Variants in MYO15A observed in about 807,000 individuals in gnomAD.
The protein encoded by MYO15A is myosin XVA.
MYO15A carries 308 observed loss-of-function variants against 394.6 expected under a neutral mutation model. The observed-to-expected ratio is 0.78, with a 90% CI of 0.71 to 0.86. MYO15A has a LOEUF of 0.86. Among genes scored for constraint, MYO15A ranks in the 40% least tolerant of loss-of-function variants. The pLI is 0.00. For synonymous variants in MYO15A, 1,957 were observed against 2,003.8 expected (o/e 0.98, Z 0.62); for missense variants, 4,606 against 4,799.1 (o/e 0.96, Z 1.19).
chr17:18,120,663 G>A lies in MYO15A; in HGVS notation c.1863G>A (p.Lys621=), dbSNP rs760308017. 13 of 1,586,882 alleles carry A rather than the reference G, an allele frequency of 8.2e-6. No homozygotes were observed. Among genetic ancestry groups the A allele is most frequent in the Admixed American group, 3.4e-5 (2 of 58,148 alleles). Residue 621 remains lysine, a synonymous_variant, in exon 2 of 66, where the codon AAG becomes AAA. Coordinates refer to ENST00000647165, the MANE Select transcript of MYO15A (RefSeq NM_016239.4). ...GYKLAGMDPE[K]PGTPIVLRRA... ...AGCTGGCTGGCATGGACCCCGAGAA[G>A]CCCGGCACGCCCATCGTGCTGAGGA...
chr17:18,120,649 A>T lies in MYO15A; in HGVS notation c.1849A>T (p.Met617Leu). ...ACGCTTCGGCTACAAGCTGGCTGGC[A>T]TGGACCCCGAGAAGCCCGGCACGCC... ...YKRFGYKLAG[M>L]DPEKPGTPIV... Residue 617 changes from methionine to leucine, a missense_variant, in exon 2 of 66, where the codon ATG becomes TTG. By Grantham distance (15) the Met-to-Leu change is conservative. Transcript: ENST00000647165. 1.3e-6 allele frequency: 2 copies of T among 1,593,470 alleles called. No individual in the cohort carries two copies. Among genetic ancestry groups the T allele is most frequent in the Non-Finnish European group, 1.7e-6 (2 of 1,173,886 alleles).
chr17:18,126,321 C>G (rs767709338), intron 4 of MYO15A, 26 bp from the exon 5 acceptor site: 7 of 1,600,166 alleles, frequency 4.4e-6, no homozygotes, highest in Non-Finnish European at 6.0e-6. Context: ...GGAGCCACGA[C>G]GCTGAGGCCA....
At position 18,155,436 on chromosome 17, in the gene MYO15A, A is replaced by G; in HGVS notation, c.8459+4A>G. ...TGCGGGTCCTGCGTGCATACAGGTG[A>G]CCAGCAGGGGTGAAGTGGGGCTGGC... is the stretch of plus-strand genomic sequence containing the variant. On this transcript the variant is annotated splice_donor_region_variant and intron_variant, in intron 47 of 65. Transcript: ENST00000647165. 6.2e-7 allele frequency: 1 copy of G among 1,611,882 alleles called. No homozygotes were observed. Among genetic ancestry groups the G allele is most frequent in the South Asian group, 1.1e-5 (1 of 91,036 alleles).
rs116833707 is a variant in MYO15A at position 18,159,299 on chromosome 17, G to A, written c.9181G>A (p.Glu3061Lys). 255 of 1,614,000 alleles carry A rather than the reference G, an allele frequency of 1.6e-4. No individual in the cohort carries two copies. In the African/African-American group the frequency reaches 3.1e-3, roughly 20 times the overall value. Residue 3061 changes from glutamate to lysine, a missense_variant, in exon 54 of 66, where the codon GAA becomes AAA. By Grantham distance (56) the Glu-to-Lys change is moderately conservative. Transcript: ENST00000647165. The stretch of plus-strand genomic sequence containing the variant: ...GACTCCCCTCCAGGAATCCCTCATC[G>A]AACTCAGCGACAGCAGCCTCAGCAA... Reference protein sequence around the residue: ...TKTPLQESLIELSDSSLSKMA... With the variant: ...TKTPLQESLIKLSDSSLSKMA...
In MYO15A at chr17:18,178,809, A is replaced by G; in HGVS notation, c.10532A>G (p.Asn3511Ser). 1.2e-6 allele frequency: 2 copies of G among 1,613,812 alleles called. No individual in the cohort carries two copies. Among genetic ancestry groups the G allele is most frequent in the East Asian group, 4.5e-5 (2 of 44,856 alleles). Residue 3511 changes from asparagine to serine, a missense_variant, in exon 66 of 66, where the codon AAC becomes AGC. This residue lies in a region of MYO15A where 2,776 missense variants were observed against 3,109.3 expected (regional missense o/e 0.89). Coordinates refer to ENST00000647165, the MANE Select transcript of MYO15A (RefSeq NM_016239.4). ...LCRVVAVHVE[N>S]LLSAHEKRLT... ...CGTGTGGTGGCCGTGCACGTGGAGA[A>G]CCTGCTCAGTGCCCATGAGAAGCGG...
In MYO15A at chr17:18,133,393, G is replaced by A. The variant is rs1184127536; in HGVS notation, c.4482+7G>A. The A allele has an allele frequency of 5.6e-6, 9 of 1,613,858 alleles. No homozygotes were observed. Among genetic ancestry groups the A allele is most frequent in the South Asian group, 1.1e-5 (1 of 91,066 alleles). Reference sequence around the variant, plus strand: ...CTACTTTGAGAAGTATGAGGTGAGGGGACGCCACAGCCTGCCATGGGGCCC... The same window carrying A: ...CTACTTTGAGAAGTATGAGGTGAGGAGACGCCACAGCCTGCCATGGGGCCC... On this transcript the variant is annotated splice_region_variant and intron_variant, in intron 12 of 65. Transcript: ENST00000647165.
At chr17:18,175,032 G>A (rs2046994565) in intron 65 of MYO15A, among the ~76,000 whole-genome samples, 1 of 151,160 alleles carries the variant, frequency 6.6e-6, no homozygotes, top group South Asian at 2.1e-4. Context: ...CCTTCCCAGA[G>A]GCCACCTCCC....
In MYO15A at chr17:18,136,630, G is replaced by T; in HGVS notation, c.4723G>T (p.Val1575Leu). Residue 1575 changes from valine to leucine, a missense_variant, in exon 15 of 66, where the codon GTG becomes TTG. Val to Leu is a conservative substitution (Grantham distance 32). Around this residue, in one of 2 missense-constraint regions of MYO15A, gnomAD observed 2,776 missense variants for 3,109.3 expected, o/e 0.89. Transcript: ENST00000647165. ...SWLITRVNAL[V>L]SPRQDTLSIA... is the part of the protein sequence containing the mutation. ...GCTCATCACCAGGGTCAACGCGCTG[G>T]TGTCCCCAAGGCAGGACACACTGTC... is the stretch of plus-strand genomic sequence containing the variant. The T allele has an allele frequency of 1.2e-6, 2 of 1,613,584 alleles. No homozygotes were observed. The highest frequency in any genetic ancestry group is 1.7e-6 in the Non-Finnish European group (2 of 1,179,984).
chr17:18,148,253 G>A lies in MYO15A; in HGVS notation c.6691+43G>A, dbSNP rs1031369957. On this transcript the variant is annotated intron_variant, in intron 31 of 65. Coordinates refer to ENST00000647165, the MANE Select transcript of MYO15A (RefSeq NM_016239.4). The surrounding 1 kb of genome is among the most constrained non-coding windows in gnomAD (Gnocchi z 4.8). ...ACCTCAGTGAGGGCAGTGGGAGTCA[G>A]CAGGGCCCAGTGAGCCCCGGGGATG... is the stretch of plus-strand genomic sequence containing the variant. The A allele has an allele frequency of 6.2e-7, 1 of 1,610,254 alleles. No individual in the cohort carries two copies. Among genetic ancestry groups the A allele is most frequent in the African/African-American group, 1.3e-5 (1 of 74,952 alleles).
At chr17:18,136,099 C>G (rs76544573) in intron 13 of MYO15A, among the ~76,000 whole-genome samples, 4 of 152,222 alleles carry the variant, frequency 2.6e-5, no homozygotes, top group African/African-American at 9.7e-5. Flanking sequence ...CTCTAAGAAG[C>G]CTTCCCTAAT....
chr17:18,117,617 C>T lies in MYO15A; in HGVS notation c.-219-965C>T, dbSNP rs902302139. Reference sequence around the variant, plus strand: ...TCTCAGAGCTGCCACTCCCCACCTCCGCTGGCCTGCCCAGTTTTTCCCACC... The same window carrying T: ...TCTCAGAGCTGCCACTCCCCACCTCTGCTGGCCTGCCCAGTTTTTCCCACC... On this transcript the variant is annotated intron_variant, in intron 1 of 65. Coordinates refer to ENST00000647165, the MANE Select transcript of MYO15A (RefSeq NM_016239.4). This position sits in a 1 kb window ranked among gnomAD's most constrained non-coding sequence, Gnocchi z 4.1. Among the ~76,000 whole-genome samples the T allele has an allele frequency of 6.6e-6, 1 of 152,178 alleles. No homozygotes were observed. The highest frequency in any genetic ancestry group is 2.1e-4 in the South Asian group (1 of 4,824).
Position 18,126,328 on chromosome 17 carries a change from G to A in MYO15A, c.3757-19G>A. The A allele has an allele frequency of 1.2e-6, 2 of 1,606,844 alleles. No homozygotes were observed. Among genetic ancestry groups the A allele is most frequent in the Non-Finnish European group, 1.7e-6 (2 of 1,173,590 alleles). ...GTCTGCAAGGAGCCACGACGCTGAG[G>A]CCACCGTCTGCCCAGCAGACATACA... On this transcript the variant is annotated intron_variant, in intron 4 of 65. Coordinates refer to ENST00000647165, the MANE Select transcript of MYO15A (RefSeq NM_016239.4).
In MYO15A at chr17:18,135,711, A is replaced by G; in HGVS notation, c.4483A>G (p.Thr1495Ala). 1 of 1,613,988 alleles carries G rather than the reference A, an allele frequency of 6.2e-7. No individual in the cohort carries two copies. The highest frequency in any genetic ancestry group is 8.5e-7 in the Non-Finnish European group (1 of 1,179,878). The change falls in exon 13 of 66, where the codon ACG becomes GCG. Residue 1495 changes from threonine (T) to alanine (A), a missense_variant and splice_region_variant. Coordinates refer to ENST00000647165, the MANE Select transcript of MYO15A (RefSeq NM_016239.4). The part of the protein sequence containing the change: ...LGNVYFEKYE[T>A]DAQEVASVVS... ...ACATTCCTGTTGGTATTTTGCATAG[A>G]CGGATGCACAGGAGGTGGCCTCAGT...
intron 4 of MYO15A, 137 bp from the exon 5 acceptor site, chr17:18,126,210 C>G (rs2046035175): frequency 2.7e-6 from 2 of 745,946 alleles, no homozygotes; most frequent in Middle Eastern, 3.0e-4. Context: ...GTAGAGGGCT[C>G]TAGATGGGAA....
intron 60 of MYO15A, among the ~76,000 whole-genome samples, chr17:18,165,909 G>T (rs1033310460): frequency 1.3e-5 from 2 of 152,166 alleles, no homozygotes; most frequent in African/African-American, 4.8e-5. Context: ...CCTGGCAAGG[G>T]GTCTCTCCTG....
chr17:18,163,434 C>T, intron 59 of MYO15A, 113 bp downstream of exon 59: 1 of 1,127,010 alleles, frequency 8.9e-7, no homozygotes, highest in Non-Finnish European at 1.3e-6. Flanking sequence ...CCCTCCCAGG[C>T]TCTCCCACAG....
chr17:18,124,384 C>A, intron 2 of MYO15A, 99 bp from the exon 3 acceptor site: 1 of 1,310,040 alleles, frequency 7.6e-7, no homozygotes, highest in East Asian at 2.4e-5. Flanking sequence ...GGTTCCCTCC[C>A]CAACAATGGT....
Position 18,158,610 on chromosome 17 carries a change from T to C in MYO15A, c.9055T>C (p.Tyr3019His). ...CACAATGCTCGAGTTTGCCCAGAAG[T>C]ATTTCCGAGACCCTCAGAGGAGACC... ...PYTMLEFAQKYFRDPQRRPQD... is the reference protein window; with the variant it reads ...PYTMLEFAQKHFRDPQRRPQD... Residue 3019 changes from tyrosine to histidine, a missense_variant, in exon 52 of 66, where the codon TAT becomes CAT. Around this residue, in one of 2 missense-constraint regions of MYO15A, gnomAD observed 2,776 missense variants for 3,109.3 expected, o/e 0.89. Transcript: ENST00000647165. 1.2e-6 allele frequency: 2 copies of C among 1,614,086 alleles called. No homozygotes were observed. Among genetic ancestry groups the C allele is most frequent in the Non-Finnish European group, 1.7e-6 (2 of 1,179,986 alleles).
Position 18,118,628 on chromosome 17 carries a change from T to A in MYO15A, c.-173T>A, listed in dbSNP as rs760728232. The A allele has an allele frequency of 2.0e-4, 184 of 898,590 alleles. No individual in the cohort carries two copies. In the Middle Eastern group the frequency reaches 2.4e-3, roughly 12 times the overall value. The allele number at this position is 898,590 out of a possible 1,614,324, so 55.7% of individuals were successfully genotyped here. ...GAGGAGATGAATTATGGATCCGCCC[T>A]CCCGGAATCCTGGCTCGGCCCTCCC... On this transcript the variant is annotated 5_prime_UTR_variant, in exon 2 of 66. Coordinates refer to ENST00000647165, the MANE Select transcript of MYO15A (RefSeq NM_016239.4).
Sources: gnomAD v4.1 joint callset for allele counts (sites outside exome capture counted in the v4.1 genomes callset) on GRCh38, gnomAD v4.1.1 for gene constraint, gnomAD v4.1.1 regional missense constraint, Gnocchi (gnomAD v3.1) non-coding constraint, MANE v1.5 for transcripts, NCBI Gene and HGNC (gene_info 2026-07-23, HGNC 2026-07-21) for gene names.